Variants in AKAP19 observed in about 807,000 individuals in gnomAD.
AKAP19 encodes small A-kinase anchoring protein.
chr2:190,127,052 G>A, the AKAP19 span, among the ~76,000 whole-genome samples: 1 of 151,992 alleles, frequency 6.6e-6, no homozygotes, highest in Non-Finnish European at 1.5e-5. Flanking sequence ...TGTAAACAAG[G>A]TGTAGCACTG....
the AKAP19 span, among the ~76,000 whole-genome samples, chr2:190,047,841 G>T: frequency 6.6e-6 from 1 of 152,242 alleles, no homozygotes; most frequent in East Asian, 1.9e-4. Context: ...TGTCTTTTGG[G>T]GGAAAGGATG....
the AKAP19 span, among the ~76,000 whole-genome samples, chr2:189,932,123 G>A: frequency 0.024 from 3,592 of 152,198 alleles, 149 homozygotes; most frequent in African/African-American, 0.081. Flanking sequence ...CTTTATCCAT[G>A]TGACCAACAA....
the AKAP19 span, among the ~76,000 whole-genome samples, chr2:189,891,413 C>T: frequency 3.7e-3 from 551 of 149,890 alleles, 5 homozygotes; most frequent in African/African-American, 0.013. Context: ...TTAGTAGAGA[C>T]GGGGTTTCAC....
chr2:189,894,903 C>A, the AKAP19 span, among the ~76,000 whole-genome samples: 1 of 150,752 alleles, frequency 6.6e-6, no homozygotes, highest in Non-Finnish European at 1.5e-5. Flanking sequence ...AAAACCTTAA[C>A]CAAAAAGTAC....
chr2:189,976,349 AG>A, the AKAP19 span, among the ~76,000 whole-genome samples: 84 of 152,316 alleles, frequency 5.5e-4, 1 homozygote, highest in African/African-American at 1.9e-3. Context: ...GCTTCGTCTC[AG>A]GGGGGTACCA....
At chr2:190,173,091 G>A in the AKAP19 span, among the ~76,000 whole-genome samples, 44 of 148,194 alleles carry the variant, frequency 3.0e-4, no homozygotes, top group East Asian at 5.8e-3. Flanking sequence ...CTCCAGCCTC[G>A]GTGACAAAGA....
chr2:189,915,860 CAG>C, the AKAP19 span, among the ~76,000 whole-genome samples: 12 of 152,136 alleles, frequency 7.9e-5, no homozygotes, highest in East Asian at 2.3e-3. Flanking sequence ...ATGTTTATAA[CAG>C]ATTTTAAAAT....
the AKAP19 span, among the ~76,000 whole-genome samples, chr2:190,160,434 C>G: frequency 6.6e-6 from 1 of 151,942 alleles, no homozygotes; most frequent in Admixed American, 6.6e-5. Context: ...GTCTCTTGGC[C>G]TTTTGTTTAT....
chr2:190,189,578 T>C, the AKAP19 span, among the ~76,000 whole-genome samples: 1 of 152,382 alleles, frequency 6.6e-6, no homozygotes, highest in African/African-American at 2.4e-5. Flanking sequence ...GTATTTTTGA[T>C]GTCCTATACT....
chr2:190,050,947 T>A, the AKAP19 span, among the ~76,000 whole-genome samples: 35 of 152,286 alleles, frequency 2.3e-4, no homozygotes, highest in South Asian at 7.3e-3. Context: ...GTGAGGTCCG[T>A]GGAGAGGAGC....
the AKAP19 span, among the ~76,000 whole-genome samples, chr2:189,908,273 A>C: frequency 6.6e-6 from 1 of 150,776 alleles, no homozygotes; most frequent in East Asian, 1.9e-4. Flanking sequence ...GGCTCACTGC[A>C]ACCTCTGCCT....
chr2:190,112,199 C>T, the AKAP19 span, among the ~76,000 whole-genome samples: 1,320 of 152,184 alleles, frequency 8.7e-3, 15 homozygotes, highest in African/African-American at 0.03. Context: ...GTGGTGTACC[C>T]CTCCATTTAT....
At chr2:190,021,479 C>T in the AKAP19 span, among the ~76,000 whole-genome samples, 1 of 152,172 alleles carries the variant, frequency 6.6e-6, no homozygotes, top group Non-Finnish European at 1.5e-5. Flanking sequence ...TCCACTGTGG[C>T]AGTCATGGAG....
the AKAP19 span, among the ~76,000 whole-genome samples, chr2:190,101,043 T>G: frequency 6.6e-6 from 1 of 152,136 alleles, no homozygotes. Context: ...GGGAAAGACA[T>G]CAGGAAAAGC....
chr2:190,196,802 T>C, the AKAP19 span, among the ~76,000 whole-genome samples: 1 of 152,300 alleles, frequency 6.6e-6, no homozygotes, highest in East Asian at 1.9e-4. Flanking sequence ...TCTGGCTTCT[T>C]TTGTGCTATA....
chr2:189,899,638 T>C, the AKAP19 span, among the ~76,000 whole-genome samples: 1 of 152,240 alleles, frequency 6.6e-6, no homozygotes, highest in East Asian at 1.9e-4. Flanking sequence ...TGTGCATACA[T>C]AAATGTGTGT....
chr2:189,957,053 GT>G, the AKAP19 span, among the ~76,000 whole-genome samples: 1 of 152,188 alleles, frequency 6.6e-6, no homozygotes, highest in Admixed American at 6.5e-5. Context: ...GCCTGCGCCT[GT>G]AGTCCCAGTG....
chr2:190,006,556 G>A, the AKAP19 span, among the ~76,000 whole-genome samples: 4 of 149,484 alleles, frequency 2.7e-5, no homozygotes, highest in South Asian at 2.1e-4. Context: ...AGGCTGAGGC[G>A]TTAACCCAGG....
the AKAP19 span, chr2:190,200,274 CTAT>C: frequency 1.3e-6 from 1 of 750,828 alleles, no homozygotes; most frequent in South Asian, 1.8e-5. Context: ...GATAATGTCA[CTAT>C]TATAAGAACA....
Sources: allele counts gnomAD v4.1 joint callset (sites outside exome capture counted in the v4.1 genomes callset), GRCh38; gene constraint gnomAD v4.1.1; transcripts MANE v1.5; gene names NCBI Gene and HGNC (gene_info 2026-07-23, HGNC 2026-07-21).